Variants in TSPEAR observed in about 807,000 individuals in gnomAD.
The protein encoded by TSPEAR is thrombospondin-type laminin G domain and EAR repeat-containing protein.
Under a neutral mutation model 71.6 loss-of-function variants are expected in TSPEAR, and 69 were observed. The observed-to-expected ratio is 0.96, with a 90% CI of 0.79 to 1.18. The LOEUF is 1.18. Ranked by LOEUF, TSPEAR falls within the 50% of genes most tolerant of loss-of-function variation. TSPEAR has a pLI of 0.00. For synonymous variants in TSPEAR, 402 were observed against 387.2 expected (o/e 1.04, Z -0.45); for missense variants, 971 against 894.9 (o/e 1.09, Z -1.09).
intron 1 of TSPEAR, among the ~76,000 whole-genome samples, chr21:44,639,122 C>T (rs587753952): frequency 6.6e-6 from 1 of 152,322 alleles, no homozygotes; most frequent in Admixed American, 6.5e-5. Flanking sequence ...CCCATGCGGC[C>T]TCACCTAGAC....
chr21:44,573,902 C>G, intron 1 of TSPEAR: 1 of 1,613,150 alleles, frequency 6.2e-7, no homozygotes, highest in Non-Finnish European at 8.5e-7. Flanking sequence ...GCTGCTGCGC[C>G]CCGGCCCCCT....
At chr21:44,682,145 G>T (rs1555948169) in intron 1 of TSPEAR, 1 of 1,610,582 alleles carries the variant, frequency 6.2e-7, no homozygotes, top group Non-Finnish European at 8.5e-7. Flanking sequence ...GCTGGATAAG[G>T]TCGAGGCAGA....
At chr21:44,545,095 G>C (rs587774398) in intron 2 of TSPEAR, among the ~76,000 whole-genome samples, 41 of 152,002 alleles carry the variant, frequency 2.7e-4, no homozygotes, top group African/African-American at 9.4e-4. Context: ...TGAGGTGGGA[G>C]GATCACAAGG....
At chr21:44,639,782 C>A (rs1204717835) in intron 1 of TSPEAR, among the ~76,000 whole-genome samples, 1 of 152,150 alleles carries the variant, frequency 6.6e-6, no homozygotes, top group East Asian at 1.9e-4. Flanking sequence ...GGGGCTGGCT[C>A]TCTGACCTCC....
intron 9 of TSPEAR, chr21:44,517,874 C>T (rs1486849808): frequency 2.1e-6 from 1 of 471,208 alleles, no homozygotes; most frequent in South Asian, 1.5e-5. Context: ...GGGCTCAGCG[C>T]CCTTTCAGTC....
At position 44,558,045 on chromosome 21, in the gene TSPEAR, G is replaced by A. The variant is rs199562970; in HGVS notation, c.303+9740C>T. On this transcript the variant is annotated intron_variant, in intron 2 of 11. Transcript: ENST00000323084. ...GAACAACTCTGGAGAAACGGGACCT[G>A]CCCGTCAGCAGCTGGACTTCTGGCC... 1.5e-5 allele frequency: 24 copies of A among 1,598,170 alleles called. No individual in the cohort carries two copies. The East Asian group carries it at 4.9e-4, about 33-fold the overall frequency.
intron 1 of TSPEAR, chr21:44,574,253 C>T (rs782094624): frequency 1.2e-6 from 2 of 1,607,060 alleles, no homozygotes; most frequent in South Asian, 2.2e-5. Flanking sequence ...AGCCTGTCTG[C>T]TCTGGGATTT....
At chr21:44,556,997 A>G (rs1412554807) in intron 2 of TSPEAR, among the ~76,000 whole-genome samples, 3 of 152,180 alleles carry the variant, frequency 2.0e-5, no homozygotes, top group African/African-American at 7.2e-5. Context: ...TGAACTGGTG[A>G]GATAGCATGT....
intron 1 of TSPEAR, among the ~76,000 whole-genome samples, chr21:44,699,987 C>T (rs927254334): frequency 6.6e-6 from 1 of 152,180 alleles, no homozygotes; most frequent in African/African-American, 2.4e-5. Context: ...CTCTCCCCTC[C>T]ACCATTTCTT....
At chr21:44,594,181 T>C (rs455906) in intron 1 of TSPEAR, among the ~76,000 whole-genome samples, 10,489 of 152,114 alleles carry the variant, frequency 0.069, 476 homozygotes, top group East Asian at 0.2. Context: ...AGTACAGACA[T>C]CTGGGAAGAG....
chr21:44,689,716 T>TATATATAC (rs1987037462), intron 1 of TSPEAR, among the ~76,000 whole-genome samples: 2 of 84,776 alleles, frequency 2.4e-5, no homozygotes, highest in Non-Finnish European at 4.8e-5. Flanking sequence ...AGAATGAATA[T>TATATATAC]ATATATATAT....
At chr21:44,562,253 A>G (rs587597854) in intron 2 of TSPEAR, among the ~76,000 whole-genome samples, 31 of 152,330 alleles carry the variant, frequency 2.0e-4, no homozygotes, top group African/African-American at 6.5e-4. Flanking sequence ...GGAATGAAAT[A>G]CCTAGGAACA....
chr21:44,511,709 T>G (rs2052385361), intron 9 of TSPEAR, among the ~76,000 whole-genome samples: 1 of 152,266 alleles, frequency 6.6e-6, no homozygotes, highest in Non-Finnish European at 1.5e-5. Flanking sequence ...AGCCCCTGCT[T>G]CTTAGCTACT....
chr21:44,551,492 G>A (rs1406941907), intron 2 of TSPEAR: 7 of 1,577,678 alleles, frequency 4.4e-6, no homozygotes, highest in East Asian at 2.2e-5. Flanking sequence ...TGGGGGAGGT[G>A]TGTGAGTGAG....
intron 1 of TSPEAR, chr21:44,592,593 C>A: frequency 6.7e-7 from 1 of 1,490,720 alleles, no homozygotes; most frequent in East Asian, 2.3e-5. Flanking sequence ...GCTTCCCCTT[C>A]CGTGTTGCCG....
chr21:44,507,289 T>G (rs372672445), intron 10 of TSPEAR, among the ~76,000 whole-genome samples: 7 of 152,274 alleles, frequency 4.6e-5, no homozygotes, highest in East Asian at 1.9e-4. Flanking sequence ...ATCTGTGGAT[T>G]TAATAGAACT....
chr21:44,682,680 TGA>T (rs1986663906), intron 1 of TSPEAR, among the ~76,000 whole-genome samples: 1 of 152,234 alleles, frequency 6.6e-6, no homozygotes, highest in South Asian at 2.1e-4. Context: ...CTGTGCTTCC[TGA>T]GAGAGAAGAA....
intron 1 of TSPEAR, among the ~76,000 whole-genome samples, chr21:44,636,841 C>A (rs1416361327): frequency 1.3e-5 from 2 of 152,220 alleles, no homozygotes; most frequent in African/African-American, 4.8e-5. Flanking sequence ...CCAGAACATT[C>A]CATCTCCTCA....
At position 44,580,475 on chromosome 21, in the gene TSPEAR, G is replaced by C. The variant is rs370129643; in HGVS notation, c.83-12470C>G. The C allele has an allele frequency of 1.4e-5, 22 of 1,613,292 alleles. No individual in the cohort carries two copies. The East Asian group carries it at 4.9e-4, about 36-fold the overall frequency. ...TGGGGTGCAGACCAGGGTCAGGCAG[G>C]GGGCGGTGCCGCAGGGGGGCTCACA... On this transcript the variant is annotated intron_variant, in intron 1 of 11. Transcript: ENST00000323084.
Sources: gnomAD v4.1 joint callset for allele counts (sites outside exome capture counted in the v4.1 genomes callset) on GRCh38, gnomAD v4.1.1 for gene constraint, MANE v1.5 for transcripts, NCBI Gene and HGNC (gene_info 2026-07-23, HGNC 2026-07-21) for gene names.